MYCBP2: variants seen among roughly 807,000 people sequenced by gnomAD.
The protein encoded by MYCBP2 is MYC binding protein 2.
MYCBP2 carries 120 observed loss-of-function variants against 525.3 expected under a neutral mutation model. That is an observed-to-expected ratio of 0.23 (90% CI 0.20 to 0.27). MYCBP2 has a LOEUF of 0.27. Among genes scored for constraint, MYCBP2 ranks in the 10% least tolerant of loss-of-function variants. The probability of loss-of-function intolerance (pLI) is 1.00; values close to 1 mark genes in which losing one functional copy is unlikely to be tolerated. For synonymous variants in MYCBP2, 1,894 were observed against 1,955.8 expected, an observed-to-expected ratio of 0.97 and a Z score of 0.83; for missense variants, 4,149 against 5,657.1, an observed-to-expected ratio of 0.73 and a Z score of 8.55.
intron 21 of MYCBP2, among the ~76,000 whole-genome samples, chr13:77,215,973 G>A (rs1211519643): frequency 1.3e-5 from 2 of 152,198 alleles, no homozygotes; most frequent in African/African-American, 4.8e-5. Flanking sequence ...CACTTCTAGT[G>A]CCCAGTTAGT....
chr13:77,113,086 T>C (rs1023297333), intron 55 of MYCBP2, among the ~76,000 whole-genome samples: 3 of 152,204 alleles, frequency 2.0e-5, no homozygotes, highest in Non-Finnish European at 4.4e-5. Flanking sequence ...GTAGGTGGAC[T>C]CAATAAAATA....
intron 4 of MYCBP2, among the ~76,000 whole-genome samples, chr13:77,275,274 C>T (rs1174038260): frequency 6.6e-6 from 1 of 152,174 alleles, no homozygotes; most frequent in Non-Finnish European, 1.5e-5. Context: ...TCCATTCCTC[C>T]TAGCCCACTA....
intron 8 of MYCBP2, among the ~76,000 whole-genome samples, chr13:77,265,975 G>A (rs2074009638): frequency 6.6e-6 from 1 of 152,084 alleles, no homozygotes; most frequent in Non-Finnish European, 1.5e-5. Context: ...ACACACTTAT[G>A]AAACACAGAA....
At chr13:77,262,910 A>T (rs1870864176) in intron 10 of MYCBP2, among the ~76,000 whole-genome samples, 1 of 152,018 alleles carries the variant, frequency 6.6e-6, no homozygotes, top group Admixed American at 6.6e-5. Context: ...GAATATAGAA[A>T]GTAAAGCACT....
rs549718012 is a variant in MYCBP2, at chr13:77,102,661, T to C, written c.8141-3648A>G. On this transcript the variant is annotated intron_variant, in intron 55 of 82. Coordinates refer to ENST00000544440, the MANE Select transcript of MYCBP2 (RefSeq NM_015057.5). Reference sequence around the variant, plus strand: ...TAAAACTTAGTCACTAGGAAAACAATATTAGAAAAATTTATGCCAGATAGG... The same window carrying C: ...TAAAACTTAGTCACTAGGAAAACAACATTAGAAAAATTTATGCCAGATAGG... Among the ~76,000 whole-genome samples the C allele has an allele frequency of 5.9e-5, 9 of 151,650 alleles. No homozygotes were observed. In the East Asian group the frequency reaches 1.7e-3, roughly 29 times the overall value.
At chr13:77,192,191 T>C (rs924495319) in intron 27 of MYCBP2, among the ~76,000 whole-genome samples, 2 of 152,252 alleles carry the variant, frequency 1.3e-5, no homozygotes, top group Non-Finnish European at 2.9e-5. Flanking sequence ...AAAGGCAGCA[T>C]ATTAAGAAAA....
intron 47 of MYCBP2, among the ~76,000 whole-genome samples, chr13:77,150,478 A>G (rs1009576259): frequency 6.6e-6 from 1 of 152,114 alleles, no homozygotes; most frequent in Admixed American, 6.5e-5. Flanking sequence ...ACTGAAACTC[A>G]GCCTAATCCA....
chr13:77,105,909 T>C (rs2047782262), intron 55 of MYCBP2, among the ~76,000 whole-genome samples: 1 of 152,196 alleles, frequency 6.6e-6, no homozygotes, highest in Non-Finnish European at 1.5e-5. Flanking sequence ...GGATCCCAAG[T>C]ATTAAATTCC....
rs899767465 is a variant in MYCBP2, at chr13:77,146,397, A to G, written c.7132-180T>C. ...AAGATAAATTCTACAAGGTTTGAAG[A>G]TCCAAAAGTAAACACCAAAACTTAA... is the stretch of plus-strand genomic sequence containing the variant. On this transcript the variant is annotated intron_variant, in intron 47 of 82. Coordinates refer to ENST00000544440, the MANE Select transcript of MYCBP2 (RefSeq NM_015057.5). Among the ~76,000 whole-genome samples the G allele has an allele frequency of 9.9e-5, 15 of 151,868 alleles. 1 individual carries two copies. In the Middle Eastern group the frequency reaches 0.027, roughly 275 times the overall value.
chr13:77,083,039 C>T lies in MYCBP2; in HGVS notation c.11029G>A (p.Ala3677Thr). 6.2e-7 allele frequency: 1 copy of T among 1,612,032 alleles called. No homozygotes were observed. Among genetic ancestry groups the T allele is most frequent in the Non-Finnish European group, 8.5e-7 (1 of 1,178,966 alleles). Reference protein sequence around the residue: ...LPSGSSLQQMALRCWSLKFKQ... With the variant: ...LPSGSSLQQMTLRCWSLKFKQ... ...TGTGGATACCAAAATTACCTCAGGG[C>T]CATTTGCTGTAATGAACTGCCGCTG... The change falls in exon 63 of 83, where the codon GCC becomes ACC. Residue 3677 changes from alanine to threonine, a missense_variant. Ala to Thr is a moderately conservative substitution (Grantham distance 58). This residue lies in a region of MYCBP2 where 509 missense variants were observed against 789.4 expected (regional missense o/e 0.64). Coordinates refer to ENST00000544440, the MANE Select transcript of MYCBP2 (RefSeq NM_015057.5).
intron 37 of MYCBP2, among the ~76,000 whole-genome samples, chr13:77,172,307 G>A (rs138419360): frequency 2.1e-4 from 32 of 152,260 alleles, no homozygotes; most frequent in Admixed American, 5.9e-4. Flanking sequence ...AGACATGTAT[G>A]GCTGGAAGAA....
intron 32 of MYCBP2, among the ~76,000 whole-genome samples, chr13:77,183,564 T>C (rs867652850): frequency 1.5e-5 from 2 of 133,412 alleles, no homozygotes; most frequent in South Asian, 2.5e-4. Context: ...TTTTTTTTTT[T>C]TTTTTTGAGA....
intron 54 of MYCBP2, 143 bp from the exon 55 acceptor site, chr13:77,121,638 A>C (rs145194677): frequency 1.3e-5 from 10 of 741,340 alleles, no homozygotes; most frequent in Non-Finnish European, 1.9e-5. Flanking sequence ...TTTAAATACC[A>C]GTCAGGTCAT....
rs753911552 is a variant in MYCBP2, at chr13:77,225,455, C to G, written c.2837G>C (p.Ser946Thr). ...GCTACCTGAATGGTGAAATCCACAGCTGACTTGGACTGCCCGGAGCTCACA... is the reference window on the plus strand; with the variant it reads ...GCTACCTGAATGGTGAAATCCACAGGTGACTTGGACTGCCCGGAGCTCACA... ...FDCELRAVQV[S>T]CGFHHSVVLM... The change falls in exon 19 of 83, where the codon AGC (serine) becomes ACC (threonine). Residue 946 changes from serine (S) to threonine (T), a missense_variant. Coordinates refer to ENST00000544440, the MANE Select transcript of MYCBP2 (RefSeq NM_015057.5). The G allele has an allele frequency of 6.2e-7, 1 of 1,613,690 alleles. No homozygotes were observed. Among genetic ancestry groups the G allele is most frequent in the South Asian group, 1.1e-5 (1 of 91,060 alleles).
In MYCBP2 at chr13:77,059,608, C is replaced by G. The variant is rs919744297; in HGVS notation, c.13055G>C (p.Ser4352Thr). 1.2e-6 allele frequency: 2 copies of G among 1,613,536 alleles called. No homozygotes were observed. Among genetic ancestry groups the G allele is most frequent in the Non-Finnish European group, 1.7e-6 (2 of 1,179,624 alleles). ...ACCACAGAAGCGACATGCTTCTGAG[C>G]TACTCGTGGTGGGTTTGCCTAGGTT... ...REHTGKPTTS[S>T]SEACRFCGSR... is the part of the protein sequence containing the mutation. The change falls in exon 77 of 83, where the codon AGC (serine) becomes ACC (threonine). Residue 4352 changes from serine (S) to threonine (T), a missense_variant. This residue lies in a region of MYCBP2 where 220 missense variants were observed against 396.0 expected (regional missense o/e 0.56). Transcript: ENST00000544440.
intron 40 of MYCBP2, among the ~76,000 whole-genome samples, chr13:77,167,093 A>C (rs1284158814): frequency 6.6e-6 from 1 of 152,104 alleles, no homozygotes; most frequent in Non-Finnish European, 1.5e-5. Context: ...AATTTTAGAT[A>C]TAAGAGAAAG....
chr13:77,168,175 T>C (rs932595507), intron 40 of MYCBP2, among the ~76,000 whole-genome samples: 1 of 152,210 alleles, frequency 6.6e-6, no homozygotes, highest in Non-Finnish European at 1.5e-5. Flanking sequence ...TAGCATTATA[T>C]ACCACACTAT....
intron 14 of MYCBP2, among the ~76,000 whole-genome samples, chr13:77,257,004 G>A (rs74360470): frequency 6.6e-6 from 1 of 152,048 alleles, no homozygotes; most frequent in Non-Finnish European, 1.5e-5. Flanking sequence ...ACAGATGAGT[G>A]GATAAAGAAA....
chr13:77,146,128 T>G, intron 48 of MYCBP2, 34 bp downstream of exon 48: 1 of 1,440,164 alleles, frequency 6.9e-7, no homozygotes, highest in South Asian at 1.4e-5. Flanking sequence ...TGACAACACA[T>G]GTTTTGGTTA....
Sources: allele counts gnomAD v4.1 joint callset (sites outside exome capture counted in the v4.1 genomes callset), GRCh38; gene constraint gnomAD v4.1.1; regional missense constraint gnomAD v4.1.1; transcripts MANE v1.5; gene names NCBI Gene and HGNC (gene_info 2026-07-23, HGNC 2026-07-21).